The following OCA2 variants were observed in gnomAD, a reference collection of about 807,000 sequenced individuals.
The protein encoded by OCA2 is OCA2 melanosomal transmembrane protein, also known as P protein.
A neutral mutation model predicts 100.2 loss-of-function variants in OCA2; 77 were observed. The observed-to-expected ratio is 0.77, with a 90% CI of 0.64 to 0.93. OCA2 has a LOEUF of 0.93. Ranked by LOEUF, OCA2 falls within the 40% of genes least tolerant of loss-of-function variation. OCA2 has a pLI of 0.00. For synonymous variants in OCA2, 432 were observed against 439.2 expected, an observed-to-expected ratio of 0.98 and a Z score of 0.21; for missense variants, 1,062 against 1,089.1, an observed-to-expected ratio of 0.98 and a Z score of 0.35.
intron 23 of OCA2, among the ~76,000 whole-genome samples, chr15:27,823,472 C>A (rs138984089): frequency 3.9e-5 from 6 of 152,074 alleles, no homozygotes; most frequent in African/African-American, 1.4e-4. Context: ...AAGATTTTCC[C>A]GAAATAATAA....
chr15:27,974,537 C>T (rs1312697001), intron 14 of OCA2, among the ~76,000 whole-genome samples: 2 of 152,166 alleles, frequency 1.3e-5, no homozygotes, highest in Non-Finnish European at 2.9e-5. Context: ...GAGGCCGAGG[C>T]AGATGGATCA....
chr15:27,744,613 C>G, the OCA2 span, among the ~76,000 whole-genome samples: 7 of 152,196 alleles, frequency 4.6e-5, no homozygotes, highest in African/African-American at 1.7e-4. Flanking sequence ...TTGCTCTGTT[C>G]AGACAGGATT....
chr15:27,938,927 C>A (rs900016710), intron 18 of OCA2, among the ~76,000 whole-genome samples: 1 of 152,174 alleles, frequency 6.6e-6, no homozygotes, highest in Non-Finnish European at 1.5e-5. Context: ...AGCTCACATA[C>A]AACTGCCGTG....
chr15:27,761,403 G>C (rs142718393), intron 23 of OCA2, among the ~76,000 whole-genome samples: 3 of 150,670 alleles, frequency 2.0e-5, no homozygotes, highest in African/African-American at 7.3e-5. Context: ...AACTTAAATC[G>C]TGTTTGTAAC....
chr15:27,945,509 C>G (rs2039802134), intron 18 of OCA2, among the ~76,000 whole-genome samples: 1 of 152,178 alleles, frequency 6.6e-6, no homozygotes, highest in Non-Finnish European at 1.5e-5. Context: ...GCCCTCCATC[C>G]GGACCCTTCC....
chr15:27,933,791 A>T (rs899342518), intron 18 of OCA2, among the ~76,000 whole-genome samples: 4 of 152,220 alleles, frequency 2.6e-5, no homozygotes, highest in Non-Finnish European at 4.4e-5. Context: ...AAGGTTGGTC[A>T]ATCAATTAAG....
At chr15:28,012,309 C>T (rs2042266106) in intron 9 of OCA2, among the ~76,000 whole-genome samples, 2 of 152,196 alleles carry the variant, frequency 1.3e-5, no homozygotes, top group Non-Finnish European at 2.9e-5. Flanking sequence ...GACAGAAGGG[C>T]CTTGGACCAC....
rs116491338 is a variant in OCA2, at chr15:27,838,881, T to G, written c.2432+6078A>C. Among the ~76,000 whole-genome samples, 537 of 152,268 alleles carry G rather than the reference T, an allele frequency of 3.5e-3. 3 individuals carry two copies. The highest frequency in any genetic ancestry group is 0.012 in the African/African-American group (493 of 41,554). ...GTACCCAGGAGCTGATCTTGGGCTC[T>G]CAAAGATTAGCTTCACCTGTCAAAA... On this transcript the variant is annotated intron_variant, in intron 23 of 23. Coordinates refer to ENST00000354638, the MANE Select transcript of OCA2 (RefSeq NM_000275.3).
rs1392374652 is a variant in OCA2, at chr15:27,969,230, GA to G, written c.1504-2409del. Among the ~76,000 whole-genome samples, 83 of 140,020 alleles carry G rather than the reference GA, an allele frequency of 5.9e-4. 1 individual carries two copies. Among genetic ancestry groups the G allele is most frequent in the Middle Eastern group, 3.6e-3 (1 of 280 alleles). The allele number at this position is 140,020 out of a possible 152,430, so 91.9% of individuals were successfully genotyped here. On this transcript the variant is annotated intron_variant, in intron 14 of 23. Transcript: ENST00000354638. ...AGAAAAAAGTGATGAGTAGATAAAA[GA>G]AAAAAAAAAAAGTAAGGAGGTCCTG...
At chr15:27,775,062 T>TCGTG (rs1418960787) in intron 23 of OCA2, among the ~76,000 whole-genome samples, 279 of 96,704 alleles carry the variant, frequency 2.9e-3, no homozygotes, top group Non-Finnish European at 4.3e-3. Context: ...TTTTTAGAAC[T>TCGTG]CGTGTGTGTG....
chr15:27,902,735 C>A (rs572191360), intron 19 of OCA2, among the ~76,000 whole-genome samples: 1 of 152,222 alleles, frequency 6.6e-6, no homozygotes, highest in Admixed American at 6.5e-5. Context: ...GGGAACTCTT[C>A]CTCTGCAGGC....
chr15:28,005,186 T>A (rs559187463), intron 9 of OCA2, among the ~76,000 whole-genome samples: 7 of 151,948 alleles, frequency 4.6e-5, no homozygotes, highest in African/African-American at 1.7e-4. Flanking sequence ...CACCCCCACT[T>A]CCCCTCCTCA....
chr15:27,854,343 C>T (rs961854013), intron 21 of OCA2, among the ~76,000 whole-genome samples: 1 of 152,204 alleles, frequency 6.6e-6, no homozygotes, highest in Admixed American at 6.5e-5. Context: ...ACCCATGTGC[C>T]TGCTACTGCA....
At chr15:27,817,291 T>C (rs772140390) in intron 23 of OCA2, among the ~76,000 whole-genome samples, 8 of 152,200 alleles carry the variant, frequency 5.3e-5, no homozygotes, top group African/African-American at 9.7e-5. Context: ...ACACTCAGCA[T>C]TGATCACTAG....
In OCA2 at chr15:27,997,181, GAA is replaced by G. The variant is rs1211298924; in HGVS notation, c.1045-6536_1045-6535del. On this transcript the variant is annotated intron_variant, in intron 9 of 23. Transcript: ENST00000354638. ...AAGAAAGGAAGGAAGGAAGGAGAGA[GAA>G]AGAAAAGAAGAGAGGAAAGGATATA... 4.3e-5 allele frequency among the ~76,000 whole-genome samples: 6 copies of G among 138,860 alleles called. No individual in the cohort carries two copies. In the Admixed American group the frequency reaches 4.6e-4, roughly 11 times the overall value. 91.1% of individuals were successfully genotyped at this position (138,860 alleles called of 152,430 possible).
At chr15:27,872,054 G>A in intron 19 of OCA2, 132 bp from the exon 20 acceptor site, 2 of 711,322 alleles carry the variant, frequency 2.8e-6, no homozygotes, top group South Asian at 3.1e-5. Flanking sequence ...TAAAAGATCA[G>A]ACTCAAATAC....
At chr15:27,831,456 C>T (rs1193735408) in intron 23 of OCA2, among the ~76,000 whole-genome samples, 1 of 152,200 alleles carries the variant, frequency 6.6e-6, no homozygotes, top group East Asian at 1.9e-4. Context: ...CCACCCTCTG[C>T]GGACCTGCCG....
intron 2 of OCA2, among the ~76,000 whole-genome samples, chr15:28,057,133 G>T (rs1372449694): frequency 6.6e-6 from 1 of 152,218 alleles, no homozygotes; most frequent in East Asian, 1.9e-4. Flanking sequence ...TTTCAGAAAG[G>T]ATTCTGGCAC....
chr15:27,786,867 G>C (rs546524167), intron 23 of OCA2, among the ~76,000 whole-genome samples: 1 of 152,190 alleles, frequency 6.6e-6, no homozygotes, highest in African/African-American at 2.4e-5. Flanking sequence ...GTTTCAATCC[G>C]AGGGAAAACA....
Sources: gnomAD v4.1 joint callset for allele counts (sites outside exome capture counted in the v4.1 genomes callset) on GRCh38, gnomAD v4.1.1 for gene constraint, MANE v1.5 for transcripts, NCBI Gene and HGNC (gene_info 2026-07-23, HGNC 2026-07-21) for gene names.